AGMO: variants seen among roughly 807,000 people sequenced by gnomAD.
AGMO encodes glyceryl-ether monooxygenase.
In AGMO, 75 loss-of-function variants were observed where a neutral mutation model predicts 60.2. The ratio of observed to expected loss-of-function variants is 1.25; its 90% CI spans 1.03 to 1.51. The LOEUF (loss-of-function observed/expected upper bound fraction) is 1.51, where lower values mean the gene tolerates loss of function less well. AGMO is among the 40% of genes most tolerant of loss of function. AGMO has a pLI of 0.00. For missense variants in AGMO, 763 were observed against 525.5 expected (o/e 1.45, Z -4.42); for synonymous variants, 261 against 177.1 (o/e 1.47, Z -3.76).
At chr7:15,531,968 C>T (rs1784381028) in intron 3 of AGMO, among the ~76,000 whole-genome samples, 1 of 151,974 alleles carries the variant, frequency 6.6e-6, no homozygotes, top group Non-Finnish European at 1.5e-5. Flanking sequence ...CACCCCTGGC[C>T]CAATAGCTTT....
At chr7:15,249,263 A>C (rs1782858337) in intron 12 of AGMO, among the ~76,000 whole-genome samples, 1 of 152,138 alleles carries the variant, frequency 6.6e-6, no homozygotes, top group Non-Finnish European at 1.5e-5. Context: ...GTATGGGTGG[A>C]ATTCAAACTG....
At chr7:15,421,665 G>A (rs866952772) in intron 4 of AGMO, among the ~76,000 whole-genome samples, 13 of 152,120 alleles carry the variant, frequency 8.5e-5, no homozygotes, top group Non-Finnish European at 1.5e-4. Context: ...AGGTGGACAG[G>A]AGGAAGAATA....
At chr7:15,199,288 C>T (rs1351758531), downstream of AGMO, among the ~76,000 whole-genome samples, 1 of 152,116 alleles carries the variant, frequency 6.6e-6, no homozygotes. Flanking sequence ...AAACCATTCA[C>T]AATCACAGTG....
At chr7:15,323,575 A>G (rs1488302309) in intron 12 of AGMO, among the ~76,000 whole-genome samples, 1 of 152,190 alleles carries the variant, frequency 6.6e-6, no homozygotes, top group African/African-American at 2.4e-5. Context: ...TTATCTAGGT[A>G]GGTCACTAAA....
chr7:15,406,335 T>C (rs1324723527), intron 5 of AGMO, among the ~76,000 whole-genome samples: 1 of 144,918 alleles, frequency 6.9e-6, no homozygotes, highest in Admixed American at 7.0e-5. Context: ...ATATGGAATA[T>C]ACATATATAT....
chr7:15,444,409 T>C (rs1486419721), intron 3 of AGMO, among the ~76,000 whole-genome samples: 1 of 152,192 alleles, frequency 6.6e-6, no homozygotes, highest in Non-Finnish European at 1.5e-5. Context: ...GAATGAACTA[T>C]TTACTCCCTT....
intron 12 of AGMO, among the ~76,000 whole-genome samples, chr7:15,286,356 A>T (rs1011578322): frequency 6.6e-6 from 1 of 152,116 alleles, no homozygotes; most frequent in Admixed American, 6.5e-5. Context: ...ATCCACAAAG[A>T]GCTCAAATAA....
chr7:15,431,026 G>C lies in AGMO; in HGVS notation c.492C>G (p.Val164=). The change falls in exon 4 of 13, where the codon GTC becomes GTG. Residue 164 remains valine (V), a synonymous_variant. Transcript: ENST00000342526. ...TTACCCAGGAAGTATATATCTGGAG[G>C]ACAGACTGTCTCAGTGCTGTGGATA... The part of the protein sequence containing the change: ...YNLSTALRQS[V]LQIYTSWIFY... 1 of 1,602,970 alleles carries C rather than the reference G, an allele frequency of 6.2e-7. No homozygotes were observed. Among genetic ancestry groups the C allele is most frequent in the Admixed American group, 1.7e-5 (1 of 59,474 alleles).
chr7:15,295,402 A>C (rs527547697), intron 12 of AGMO, among the ~76,000 whole-genome samples: 2 of 152,222 alleles, frequency 1.3e-5, no homozygotes, highest in African/African-American at 2.4e-5. Flanking sequence ...CTTAAGCAGG[A>C]CAGATTGACA....
At chr7:15,539,489 G>A (rs368369836) in intron 3 of AGMO, among the ~76,000 whole-genome samples, 3 of 152,046 alleles carry the variant, frequency 2.0e-5, no homozygotes, top group African/African-American at 7.2e-5. Flanking sequence ...TTTTATGACT[G>A]CATAGTATTC....
At chr7:15,465,162 C>T (rs1366320333) in intron 3 of AGMO, among the ~76,000 whole-genome samples, 4 of 151,886 alleles carry the variant, frequency 2.6e-5, no homozygotes, top group African/African-American at 4.8e-5. Context: ...CTTTATGCCC[C>T]TACTTTCGAC....
intron 4 of AGMO, among the ~76,000 whole-genome samples, chr7:15,427,339 G>A (rs1033523381): frequency 1.3e-5 from 2 of 152,084 alleles, no homozygotes; most frequent in African/African-American, 4.8e-5. Flanking sequence ...ATAACTCAAA[G>A]TGTCGTCCTG....
At chr7:15,234,579 A>C (rs568843172) in intron 12 of AGMO, among the ~76,000 whole-genome samples, 1 of 152,278 alleles carries the variant, frequency 6.6e-6, no homozygotes, top group East Asian at 1.9e-4. Flanking sequence ...TAAAATCTTA[A>C]AGTTGTTGAT....
intron 12 of AGMO, among the ~76,000 whole-genome samples, chr7:15,295,173 A>G (rs949790020): frequency 6.6e-6 from 1 of 152,026 alleles, no homozygotes; most frequent in Non-Finnish European, 1.5e-5. Context: ...TTTTTAGAAT[A>G]TAAAACAGAG....
chr7:15,547,468 C>T (rs1033494180), intron 2 of AGMO, among the ~76,000 whole-genome samples: 193 of 152,094 alleles, frequency 1.3e-3, no homozygotes, highest in Non-Finnish European at 2.1e-3. Context: ...GCGCACCGTG[C>T]GCGAGCCGAA....
At chr7:15,522,635 C>G (rs1394599091) in intron 3 of AGMO, among the ~76,000 whole-genome samples, 2 of 152,078 alleles carry the variant, frequency 1.3e-5, no homozygotes, top group African/African-American at 2.4e-5. Context: ...GAAAAACTGG[C>G]TAGCCATATG....
intron 3 of AGMO, among the ~76,000 whole-genome samples, chr7:15,431,628 G>C (rs1781242351): frequency 6.6e-6 from 1 of 151,854 alleles, no homozygotes; most frequent in African/African-American, 2.4e-5. Context: ...AGAAAGCATA[G>C]CATAGTAATA....
intron 12 of AGMO, among the ~76,000 whole-genome samples, chr7:15,298,698 AGTCT>A (rs1784472201): frequency 6.6e-6 from 1 of 152,014 alleles, no homozygotes; most frequent in East Asian, 1.9e-4. Flanking sequence ...CACCACACTC[AGTCT>A]ATGTTTTTCT....
intron 12 of AGMO, among the ~76,000 whole-genome samples, chr7:15,314,665 T>C (rs1189116309): frequency 3.9e-5 from 6 of 152,174 alleles, no homozygotes; most frequent in Non-Finnish European, 8.8e-5. Flanking sequence ...ATAATAGTGA[T>C]GTGGGTAGGG....
Sources: allele counts gnomAD v4.1 joint callset (sites outside exome capture counted in the v4.1 genomes callset), GRCh38; gene constraint gnomAD v4.1.1; transcripts MANE v1.5; gene names NCBI Gene and HGNC (gene_info 2026-07-23, HGNC 2026-07-21).